The following SLC9C1 variants were observed in gnomAD, a reference collection of about 807,000 sequenced individuals.
The protein encoded by SLC9C1 is sodium/hydrogen exchanger 10.
In SLC9C1, 97 loss-of-function variants were observed where a neutral mutation model predicts 140.9. The ratio of observed to expected loss-of-function variants is 0.69; its 90% CI spans 0.58 to 0.82. The LOEUF is 0.82. Among genes scored for constraint, SLC9C1 ranks in the 40% least tolerant of loss-of-function variants. SLC9C1 has a pLI of 0.00. For missense variants in SLC9C1, 1,340 were observed against 1,389.3 expected (o/e 0.96, Z 0.56); for synonymous variants, 440 against 442.6 (o/e 0.99, Z 0.07).
At chr3:112,245,775 G>C (rs922209085) in intron 10 of SLC9C1, among the ~76,000 whole-genome samples, 1 of 152,056 alleles carries the variant, frequency 6.6e-6, no homozygotes, top group Non-Finnish European at 1.5e-5. Flanking sequence ...ATTGCAATGA[G>C]TATAGTGACA....
intron 23 of SLC9C1, among the ~76,000 whole-genome samples, chr3:112,175,720 T>A (rs977948177): frequency 1.3e-5 from 2 of 152,226 alleles, no homozygotes; most frequent in Admixed American, 6.5e-5. Flanking sequence ...ATAAGAAGTC[T>A]GACTGCTTCT....
chr3:112,225,117 G>C (rs1367852248), intron 13 of SLC9C1, among the ~76,000 whole-genome samples: 1 of 152,126 alleles, frequency 6.6e-6, no homozygotes, highest in Non-Finnish European at 1.5e-5. Flanking sequence ...CAAAGACAGA[G>C]AGAATTTTAA....
At chr3:112,161,667 A>G (rs2075303574) in intron 26 of SLC9C1, among the ~76,000 whole-genome samples, 3 of 152,162 alleles carry the variant, frequency 2.0e-5, no homozygotes, top group African/African-American at 7.2e-5. Context: ...TGTTTTGGTT[A>G]CTGCAGCCTT....
At chr3:112,266,366 A>G in intron 7 of SLC9C1, 26 bp from the exon 8 acceptor site, 1 of 1,516,620 alleles carries the variant, frequency 6.6e-7, no homozygotes. Context: ...AATAAATATA[A>G]AGTATTAATT....
intron 20 of SLC9C1, among the ~76,000 whole-genome samples, chr3:112,195,166 G>A (rs774737969): frequency 2.9e-4 from 44 of 151,946 alleles, no homozygotes; most frequent in Non-Finnish European, 5.0e-4. Context: ...TTTGCTGCAC[G>A]TGCCTTAAGC....
At chr3:112,197,937 C>CT (rs1292100506) in intron 20 of SLC9C1, among the ~76,000 whole-genome samples, 2 of 152,098 alleles carry the variant, frequency 1.3e-5, no homozygotes, top group Non-Finnish European at 2.9e-5. Context: ...TTAACACCTG[C>CT]TTTTGTAAAC....
intron 21 of SLC9C1, 111 bp downstream of exon 21, chr3:112,182,022 T>C: frequency 3.3e-6 from 3 of 915,468 alleles, no homozygotes. Context: ...CTATCAGAAA[T>C]AAGGAACATT....
At chr3:112,226,488 G>A (rs543589417) in intron 13 of SLC9C1, among the ~76,000 whole-genome samples, 46 of 152,244 alleles carry the variant, frequency 3.0e-4, no homozygotes, top group African/African-American at 1.0e-3. Flanking sequence ...TTCGGAGGCT[G>A]AGGTGTGCAG....
intron 7 of SLC9C1, among the ~76,000 whole-genome samples, chr3:112,269,243 G>A (rs1048322018): frequency 1.4e-4 from 22 of 152,054 alleles, no homozygotes; most frequent in Non-Finnish European, 2.8e-4. Flanking sequence ...CTGAGGAGCT[G>A]GGACTACAGG....
intron 10 of SLC9C1, among the ~76,000 whole-genome samples, chr3:112,261,325 C>T (rs1428313265): frequency 6.6e-6 from 1 of 152,068 alleles, no homozygotes; most frequent in East Asian, 1.9e-4. Flanking sequence ...TAAAAGACCA[C>T]TCAATTAGTT....
chr3:112,160,578 G>A (rs1027129966), intron 26 of SLC9C1, among the ~76,000 whole-genome samples: 139 of 151,878 alleles, frequency 9.2e-4, no homozygotes, highest in Admixed American at 2.0e-3. Flanking sequence ...TTTCATCCAT[G>A]TCCCCACAAA....
chr3:112,246,725 A>C (rs553825396), intron 10 of SLC9C1, among the ~76,000 whole-genome samples: 2 of 152,308 alleles, frequency 1.3e-5, no homozygotes, highest in East Asian at 3.9e-4. Flanking sequence ...TTTCCTCACC[A>C]GTGGTGGCCT....
chr3:112,217,607 A>G (rs376775850), intron 14 of SLC9C1, 46 bp from the exon 15 acceptor site: 23 of 1,516,358 alleles, frequency 1.5e-5, no homozygotes, highest in Non-Finnish European at 1.9e-5. Context: ...ACATTTTGAG[A>G]TAAGTTTAAT....
rs138844588 is a variant in SLC9C1 at position 112,238,187 on chromosome 3, C to T, written c.1446+1653G>A. On this transcript the variant is annotated intron_variant, in intron 12 of 28. Transcript: ENST00000305815. ...ATTCTGTTTTCTCTAAACTTCTCTT[C>T]TCACTTCATTTCATTCATTTGATCT... Among the ~76,000 whole-genome samples the T allele has an allele frequency of 5.3e-4, 81 of 152,330 alleles. No individual in the cohort carries two copies. In the East Asian group the frequency reaches 0.015, roughly 29 times the overall value.
chr3:112,237,065 T>G (rs2079007197), intron 12 of SLC9C1, among the ~76,000 whole-genome samples: 1 of 152,126 alleles, frequency 6.6e-6, no homozygotes. Context: ...GACAGTGGGG[T>G]GTTAATTTCT....
chr3:112,189,575 C>G, intron 20 of SLC9C1, among the ~76,000 whole-genome samples: 1 of 152,164 alleles, frequency 6.6e-6, no homozygotes, highest in East Asian at 1.9e-4. Context: ...CTCTGTTGTT[C>G]TGTTCCATTG....
chr3:112,159,311 A>G (rs904756467), intron 26 of SLC9C1, among the ~76,000 whole-genome samples: 3 of 152,026 alleles, frequency 2.0e-5, no homozygotes, highest in Non-Finnish European at 4.4e-5. Context: ...AAAAACTTTC[A>G]TAGTTTCCAA....
chr3:112,166,261 C>G (rs933691999), intron 26 of SLC9C1, among the ~76,000 whole-genome samples: 1 of 152,214 alleles, frequency 6.6e-6, no homozygotes, highest in Non-Finnish European at 1.5e-5. Context: ...ACACTTGGTG[C>G]GCTGCACCCA....
chr3:112,266,201 G>A (rs4682099), intron 8 of SLC9C1, 37 bp downstream of exon 8: 464,904 of 1,342,514 alleles, frequency 0.35, 83,344 homozygotes, highest in East Asian at 0.43. Context: ...ATAGCTTCCA[G>A]TGTATGAAAT....
Sources: allele counts gnomAD v4.1 joint callset (sites outside exome capture counted in the v4.1 genomes callset), GRCh38; gene constraint gnomAD v4.1.1; transcripts MANE v1.5; gene names NCBI Gene and HGNC (gene_info 2026-07-23, HGNC 2026-07-21).